Variants in KIF6 observed in about 807,000 individuals in gnomAD.
KIF6 encodes the protein kinesin family member 6, also known as kinesin-like protein KIF6.
KIF6 carries 106 observed loss-of-function variants against 112.7 expected under a neutral mutation model. The ratio of observed to expected loss-of-function variants is 0.94; its 90% CI spans 0.80 to 1.11. The LOEUF (loss-of-function observed/expected upper bound fraction) is 1.11, where lower values mean the gene tolerates loss of function less well. KIF6 is among the 50% of genes least tolerant of loss of function. The pLI is 0.00. For synonymous variants in KIF6, 339 were observed against 339.9 expected, an observed-to-expected ratio of 1.00 and a Z score of 0.03; for missense variants, 929 against 964.0, an observed-to-expected ratio of 0.96 and a Z score of 0.48.
intron 22 of KIF6, among the ~76,000 whole-genome samples, chr6:39,339,851 C>A (rs79726644): frequency 6.6e-6 from 1 of 152,138 alleles, no homozygotes; most frequent in South Asian, 2.1e-4. Flanking sequence ...TAAGAGCTGG[C>A]GAGGCTTATG....
intron 3 of KIF6, among the ~76,000 whole-genome samples, chr6:39,683,710 T>A (rs755459340): frequency 1.3e-5 from 2 of 151,970 alleles, no homozygotes; most frequent in Admixed American, 6.6e-5. Context: ...AGAGGAGGAA[T>A]AGGCAAAGAA....
At chr6:39,526,926 T>C (rs1223379883) in intron 13 of KIF6, among the ~76,000 whole-genome samples, 2 of 152,190 alleles carry the variant, frequency 1.3e-5, no homozygotes, top group Admixed American at 1.3e-4. Context: ...GCTTAAGGCC[T>C]GCAACAAAGC....
intron 3 of KIF6, among the ~76,000 whole-genome samples, chr6:39,665,938 C>A (rs1296931853): frequency 6.6e-6 from 1 of 152,146 alleles, no homozygotes; most frequent in East Asian, 1.9e-4. Context: ...TTGACAGAAA[C>A]AATACTGGTG....
intron 7 of KIF6, among the ~76,000 whole-genome samples, chr6:39,591,730 A>G (rs1781962937): frequency 6.6e-6 from 1 of 152,212 alleles, no homozygotes; most frequent in Non-Finnish European, 1.5e-5. Flanking sequence ...AGGCAGAGGT[A>G]GATTATTCTT....
intron 22 of KIF6, among the ~76,000 whole-genome samples, chr6:39,337,172 C>CTTCTTTCTTTCTCTTTCTTTCT (rs1763014868): frequency 3.4e-5 from 2 of 59,504 alleles, no homozygotes; most frequent in Non-Finnish European, 5.9e-5. Flanking sequence ...TCTTTCCTTC[C>CTTCTTTCTTTCTCTTTCTTTCT]TTCTTTCTTT....
chr6:39,358,314 T>A (rs1444067681), intron 18 of KIF6, among the ~76,000 whole-genome samples: 1 of 152,258 alleles, frequency 6.6e-6, no homozygotes, highest in African/African-American at 2.4e-5. Flanking sequence ...GGTTTGGAGC[T>A]TTCTGCCTCT....
At chr6:39,477,040 G>A (rs1161511782) in intron 13 of KIF6, among the ~76,000 whole-genome samples, 1 of 152,132 alleles carries the variant, frequency 6.6e-6, no homozygotes, top group African/African-American at 2.4e-5. Flanking sequence ...CTCTGGGAGG[G>A]ATACAGAAAT....
chr6:39,585,026 G>A, intron 8 of KIF6, 42 bp from the exon 9 acceptor site: 5 of 1,077,516 alleles, frequency 4.6e-6, no homozygotes, highest in Non-Finnish European at 5.6e-6. Context: ...ATGGCATAGA[G>A]AGATATTTCT....
intron 13 of KIF6, among the ~76,000 whole-genome samples, chr6:39,492,048 G>T (rs909355825): frequency 6.6e-6 from 1 of 152,142 alleles, no homozygotes; most frequent in Non-Finnish European, 1.5e-5. Flanking sequence ...TTAAGAAATG[G>T]CTTCCTGGAA....
chr6:39,588,198 G>C (rs1456739349), intron 7 of KIF6, among the ~76,000 whole-genome samples: 1 of 151,922 alleles, frequency 6.6e-6, no homozygotes. Context: ...CAATCACCTG[G>C]CTTTAATTAT....
intron 13 of KIF6, among the ~76,000 whole-genome samples, chr6:39,486,203 C>A (rs1562256738): frequency 6.6e-6 from 1 of 152,232 alleles, no homozygotes; most frequent in Non-Finnish European, 1.5e-5. Flanking sequence ...AGTTCTGGGC[C>A]TAGCTTTTCA....
chr6:39,533,915 G>A (rs1189522033), intron 13 of KIF6, among the ~76,000 whole-genome samples: 2 of 152,202 alleles, frequency 1.3e-5, no homozygotes, highest in Admixed American at 1.3e-4. Flanking sequence ...AAAATCTGCT[G>A]TTCTGCAGCC....
intron 9 of KIF6, among the ~76,000 whole-genome samples, chr6:39,584,517 A>ATATAGATG (rs1200014809): frequency 6.8e-6 from 1 of 146,406 alleles, no homozygotes; most frequent in African/African-American, 2.5e-5. Flanking sequence ...TAAGTTCTGC[A>ATATAGATG]TATAGATGTA....
chr6:39,687,228 C>T (rs1326046366), intron 3 of KIF6, among the ~76,000 whole-genome samples: 1 of 152,158 alleles, frequency 6.6e-6, no homozygotes, highest in Non-Finnish European at 1.5e-5. Flanking sequence ...CAGAAGAAGA[C>T]ACATCCCCCA....
chr6:39,693,201 G>A (rs1386308636), intron 3 of KIF6, among the ~76,000 whole-genome samples: 1 of 152,162 alleles, frequency 6.6e-6, no homozygotes, highest in Non-Finnish European at 1.5e-5. Flanking sequence ...AGCTGTTAAG[G>A]GCACCACAGT....
chr6:39,641,506 C>T (rs369601587), intron 3 of KIF6, among the ~76,000 whole-genome samples: 175 of 145,900 alleles, frequency 1.2e-3, no homozygotes, highest in African/African-American at 3.4e-3. Context: ...GGTGGGGGGA[C>T]GGGGGAGGGA....
intron 3 of KIF6, among the ~76,000 whole-genome samples, chr6:39,665,000 T>C (rs1394104264): frequency 1.3e-5 from 2 of 152,226 alleles, no homozygotes; most frequent in South Asian, 2.1e-4. Context: ...TAAACCCTCA[T>C]GTATAACAAT....
chr6:39,454,935 G>A (rs1772958331), intron 13 of KIF6, among the ~76,000 whole-genome samples: 1 of 152,056 alleles, frequency 6.6e-6, no homozygotes. Flanking sequence ...CAGCAGCGAG[G>A]CTGGGGGAGG....
chr6:39,624,402 C>G (rs1783987015), intron 5 of KIF6, among the ~76,000 whole-genome samples: 1 of 151,872 alleles, frequency 6.6e-6, no homozygotes, highest in African/African-American at 2.4e-5. Flanking sequence ...GTTTCTAAAC[C>G]CTGTACATTT....
Sources: gnomAD v4.1 joint callset for allele counts (sites outside exome capture counted in the v4.1 genomes callset) on GRCh38, gnomAD v4.1.1 for gene constraint, MANE v1.5 for transcripts, NCBI Gene and HGNC (gene_info 2026-07-23, HGNC 2026-07-21) for gene names.